Variants in PER3 observed in about 807,000 individuals in gnomAD.
PER3 encodes period circadian regulator 3.
In PER3, 107 loss-of-function variants were observed where a neutral mutation model predicts 127.2. That is an observed-to-expected ratio of 0.84 (90% CI 0.72 to 0.99). PER3 has a LOEUF of 0.99. Among genes scored for constraint, PER3 ranks in the 50% least tolerant of loss-of-function variants. The pLI is 0.00. For synonymous variants in PER3, 618 were observed against 585.8 expected (o/e 1.05, Z -0.79); for missense variants, 1,560 against 1,525.8 (o/e 1.02, Z -0.37).
chr1:7,811,749 T>C (rs754857717), intron 13 of PER3: 5 of 152,244 alleles, frequency 3.3e-5, no homozygotes, highest in East Asian at 3.8e-4. Flanking sequence ...CACTGTCACA[T>C]TGAGTTTTAA....
At chr1:7,800,746 G>A (rs1433029410) in intron 7 of PER3, among the ~76,000 whole-genome samples, 1 of 150,326 alleles carries the variant, frequency 6.7e-6, no homozygotes, top group African/African-American at 2.5e-5. Context: ...AGAATCTCTT[G>A]AACCTGGGAG....
chr1:7,826,516 T>C lies in PER3; in HGVS notation c.1994T>C (p.Leu665Pro), dbSNP rs753504597. ...DATLFCEPWT[L>P]NMQPAPLTSE... ...ACCCTCTTCTGTGAGCCCTGGACCCTGAACATGCAGCCAGCCCCTTTGACC... is the reference window on the plus strand; with the variant it reads ...ACCCTCTTCTGTGAGCCCTGGACCCCGAACATGCAGCCAGCCCCTTTGACC... Residue 665 changes from leucine to proline, a missense_variant, in exon 17 of 22, where the codon CTG becomes CCG. Physicochemically the swap from Leu to Pro is moderately conservative, Grantham distance 98 (BLOSUM62 -3). Transcript: ENST00000377532. The surrounding 1 kb of genome is among the most constrained non-coding windows in gnomAD (Gnocchi z 4.2). The C allele has an allele frequency of 1.5e-5, 25 of 1,613,786 alleles. No homozygotes were observed. The highest frequency in any genetic ancestry group is 1.9e-5 in the Non-Finnish European group (23 of 1,179,800).
At chr1:7,798,469 C>A in intron 6 of PER3, 56 bp from the exon 7 acceptor site, 2 of 1,367,310 alleles carry the variant, frequency 1.5e-6, no homozygotes, top group Non-Finnish European at 2.0e-6. Flanking sequence ...AGCCTTGTTT[C>A]GCCATGGGCC....
At position 7,806,815 on chromosome 1, in the gene PER3, AT is replaced by A. The variant is rs1341098609; in HGVS notation, c.1137-2077del. ...TCTCTTAAAAAAAAAAAAAAAAAAT[AT>A]ATATATATATATATATATATTACAT... is the stretch of plus-strand genomic sequence containing the variant. On this transcript the variant is annotated intron_variant, in intron 10 of 21. Coordinates refer to ENST00000377532, the MANE Select transcript of PER3 (RefSeq NM_001377275.1). 2.9e-3 allele frequency among the ~76,000 whole-genome samples: 300 copies of A among 105,242 alleles called. 3 individuals carry two copies. Among genetic ancestry groups the A allele is most frequent in the Non-Finnish European group, 4.7e-3 (240 of 51,526 alleles). The allele number at this position is 105,242 out of a possible 152,430, so 69.0% of individuals were successfully genotyped here.
chr1:7,837,997 T>G (rs2097366177), intron 21 of PER3, among the ~76,000 whole-genome samples: 1 of 152,028 alleles, frequency 6.6e-6, no homozygotes, highest in Admixed American at 6.6e-5. Flanking sequence ...CCTGGGAAAT[T>G]GAGGCTACAG....
Position 7,845,044 on chromosome 1 carries a change from T to G in PER3, c.*2289T>G, listed in dbSNP as rs1451682713. 2 of 152,390 alleles carry G rather than the reference T, an allele frequency of 1.3e-5. No homozygotes were observed. Among genetic ancestry groups the G allele is most frequent in the Non-Finnish European group, 2.9e-5 (2 of 68,044 alleles). 9.4% of individuals were successfully genotyped at this position (152,390 alleles called of 1,614,324 possible). A position where few individuals can be genotyped will look rare whatever the true frequency, so the allele number is the denominator to read the frequency against. Reference sequence around the variant, plus strand: ...CTTCATTGTAATTCACAGTGTAAATTTAATCCAAACTGAAATTTTGTTTCA... The same window carrying G: ...CTTCATTGTAATTCACAGTGTAAATGTAATCCAAACTGAAATTTTGTTTCA... On this transcript the variant is annotated 3_prime_UTR_variant, in exon 22 of 22. Transcript: ENST00000377532.
At chr1:7,800,475 C>T (rs1291970551) in intron 7 of PER3, among the ~76,000 whole-genome samples, 3 of 151,848 alleles carry the variant, frequency 2.0e-5, no homozygotes, top group Non-Finnish European at 4.4e-5. Context: ...TGGGATTACA[C>T]GCGTGAGCCA....
intron 10 of PER3, among the ~76,000 whole-genome samples, chr1:7,808,433 T>C (rs1358592390): frequency 1.3e-5 from 2 of 152,140 alleles, no homozygotes; most frequent in Admixed American, 6.5e-5. Flanking sequence ...TAGCTACATT[T>C]TCACCACTAG....
chr1:7,834,873 A>C (rs1444901019), intron 19 of PER3, among the ~76,000 whole-genome samples: 4 of 152,208 alleles, frequency 2.6e-5, no homozygotes, highest in Non-Finnish European at 4.4e-5. Flanking sequence ...CTTCAAAGTC[A>C]GTGAGAAGGT....
At chr1:7,806,363 A>G (rs892863919) in intron 10 of PER3, among the ~76,000 whole-genome samples, 1 of 152,174 alleles carries the variant, frequency 6.6e-6, no homozygotes, top group Non-Finnish European at 1.5e-5. Flanking sequence ...ACTGCAGCCA[A>G]GTTTTCTCTC....
At chr1:7,800,216 A>ATTTTTT in intron 7 of PER3, among the ~76,000 whole-genome samples, 1 of 146,326 alleles carries the variant, frequency 6.8e-6, no homozygotes, top group Non-Finnish European at 1.5e-5. Flanking sequence ...CAATCACTTC[A>ATTTTTT]TTTTTTTTTT....
chr1:7,787,521 T>G (rs762544087), intron 4 of PER3: 4 of 411,562 alleles, frequency 9.7e-6, no homozygotes, highest in Non-Finnish European at 1.9e-5. Flanking sequence ...TAAGAAAATA[T>G]TTGTCTTTTA....
chr1:7,793,429 T>G (rs1388083864), intron 5 of PER3, among the ~76,000 whole-genome samples: 1 of 152,138 alleles, frequency 6.6e-6, no homozygotes, highest in Non-Finnish European at 1.5e-5. Context: ...TTTCTGGAGG[T>G]TTATCCATAC....
chr1:7,842,782 C>G lies in PER3; in HGVS notation c.*27C>G. The G allele has an allele frequency of 6.2e-7, 1 of 1,602,634 alleles. No individual in the cohort carries two copies. The highest frequency in any genetic ancestry group is 8.5e-7 in the Non-Finnish European group (1 of 1,171,534). On this transcript the variant is annotated 3_prime_UTR_variant, in exon 22 of 22. Coordinates refer to ENST00000377532, the MANE Select transcript of PER3 (RefSeq NM_001377275.1). ...TGACTGTGAGGATGAACCTTCATAC[C>G]CTTTCCAAGACGTGTTACACAGACA...
chr1:7,839,174 T>C (rs2097372483), intron 21 of PER3, among the ~76,000 whole-genome samples: 1 of 152,236 alleles, frequency 6.6e-6, no homozygotes, highest in African/African-American at 2.4e-5. Flanking sequence ...CACTCCAGTG[T>C]GTAATTTATA....
chr1:7,827,218 C>CG lies in PER3; in HGVS notation c.2291dup (p.Ser765LeufsTer98), dbSNP rs761844117. On this transcript the variant is annotated frameshift_variant, in exon 18 of 22. Transcript: ENST00000377532. LOFTEE classifies it high-confidence loss of function. ...CGCCAGACAGCAGCAGCTCGAACAC[C>CG]GGCTCTGGTCCCCGCAGGGGAGCGC... 13 of 1,613,820 alleles carry CG rather than the reference C, an allele frequency of 8.1e-6. No homozygotes were observed. The highest frequency in any genetic ancestry group is 5.1e-6 in the Non-Finnish European group (6 of 1,179,954).
chr1:7,791,011 GTGTC>G (rs1471460117), intron 5 of PER3, among the ~76,000 whole-genome samples: 1 of 152,210 alleles, frequency 6.6e-6, no homozygotes, highest in Non-Finnish European at 1.5e-5. Context: ...CTGGCATTGA[GTGTC>G]TGTGGCTTTT....
intron 19 of PER3, 95 bp downstream of exon 19, chr1:7,830,256 G>A (rs981969372): frequency 4.5e-6 from 5 of 1,120,040 alleles, no homozygotes; most frequent in Admixed American, 2.4e-5. Flanking sequence ...TGATGTGGAA[G>A]TACAAGGTTT....
intron 5 of PER3, among the ~76,000 whole-genome samples, chr1:7,791,033 C>T (rs2087947): frequency 0.28 from 42,614 of 152,054 alleles, 6,268 homozygotes; most frequent in Middle Eastern, 0.46. Context: ...TTTCTGGGCT[C>T]ACAGTGCAAG....
Sources: gnomAD v4.1 joint callset for allele counts (sites outside exome capture counted in the v4.1 genomes callset) on GRCh38, gnomAD v4.1.1 for gene constraint, Gnocchi (gnomAD v3.1) non-coding constraint, MANE v1.5 for transcripts, NCBI Gene and HGNC (gene_info 2026-07-23, HGNC 2026-07-21) for gene names.